RAB27B: variants seen among roughly 807,000 people sequenced by gnomAD.
The protein encoded by RAB27B is ras-related protein Rab-27B.
RAB27B carries 15 observed loss-of-function variants against 24.6 expected under a neutral mutation model. The ratio of observed to expected loss-of-function variants is 0.61; its 90% CI spans 0.41 to 0.94. RAB27B has a LOEUF of 0.94. Among genes scored for constraint, RAB27B ranks in the 40% least tolerant of loss-of-function variants. The pLI is 0.00. For synonymous variants in RAB27B, 105 were observed against 92.5 expected, an observed-to-expected ratio of 1.14 and a Z score of -0.78; for missense variants, 261 against 266.8, an observed-to-expected ratio of 0.98 and a Z score of 0.15.
chr18:54,777,094 AC>A (rs1908741532), intron 2 of RAB27B, among the ~76,000 whole-genome samples: 2 of 152,180 alleles, frequency 1.3e-5, no homozygotes, highest in Non-Finnish European at 2.9e-5. Flanking sequence ...CATAGATCAC[AC>A]ATAAAAATAT....
rs570143108 is a variant in RAB27B at position 54,791,302 on chromosome 18, G to T, written c.-20+73161G>T. Among the ~76,000 whole-genome samples, 19 of 152,268 alleles carry T rather than the reference G, an allele frequency of 1.2e-4. 1 individual carries two copies. In the South Asian group the frequency reaches 3.9e-3, roughly 32 times the overall value. ...AAGTGTATCAGACTTGATTGGGTGC[G>T]GTGGCTTATGCCTGTAATCTTAGCA... is the stretch of plus-strand genomic sequence containing the variant. On this transcript the variant is annotated intron_variant, in intron 2 of 4. Coordinates refer to the RAB27B transcript ENST00000586570.
intron 2 of RAB27B, among the ~76,000 whole-genome samples, chr18:54,774,890 C>T (rs1212004801): frequency 1.3e-5 from 2 of 152,222 alleles, no homozygotes; most frequent in African/African-American, 4.8e-5. Context: ...TCAGAGGCTG[C>T]TTGTGTTTTG....
intron 1 of RAB27B, among the ~76,000 whole-genome samples, chr18:54,842,988 G>A (rs1911176584): frequency 6.6e-6 from 1 of 152,204 alleles, no homozygotes; most frequent in African/African-American, 2.4e-5. Flanking sequence ...AGTAGAGACG[G>A]TGTTTCACCG....
At chr18:54,823,699 A>G (rs1194397222), upstream of RAB27B, among the ~76,000 whole-genome samples, 1 of 152,166 alleles carries the variant, frequency 6.6e-6, no homozygotes, top group Admixed American at 6.5e-5. Flanking sequence ...ATCTATCTTC[A>G]TTCTGCATTT....
chr18:54,830,055 T>C (rs975874456), intron 1 of RAB27B, among the ~76,000 whole-genome samples: 1 of 152,230 alleles, frequency 6.6e-6, no homozygotes, highest in Non-Finnish European at 1.5e-5. Flanking sequence ...TGGATGAGCC[T>C]GTTCTCATAG....
chr18:54,741,504 CT>C (rs1025695507), intron 2 of RAB27B, among the ~76,000 whole-genome samples: 1 of 151,716 alleles, frequency 6.6e-6, no homozygotes, highest in Admixed American at 6.6e-5. Flanking sequence ...TTTTTTTCTT[CT>C]TTTTTTGAGA....
intron 1 of RAB27B, among the ~76,000 whole-genome samples, chr18:54,876,144 A>G (rs1308863280): frequency 6.6e-6 from 1 of 152,114 alleles, no homozygotes; most frequent in Non-Finnish European, 1.5e-5. Context: ...AGAGAGAGAT[A>G]GCAAAGGGGG....
Position 54,787,014 on chromosome 18 carries a change from T to C in RAB27B, c.-20+68873T>C, listed in dbSNP as rs375797840. ...TTTGCTTGCTTTCCTTAATTCATCA[T>C]GACCAAGGCAATTTAACAGTTCAAG... On this transcript the variant is annotated intron_variant, in intron 2 of 4. Transcript: ENST00000586570. 2.2e-4 allele frequency among the ~76,000 whole-genome samples: 34 copies of C among 152,260 alleles called. 1 individual carries two copies. The highest frequency in any genetic ancestry group is 8.2e-4 in the African/African-American group (34 of 41,472).
rs74618448 is a variant in RAB27B at position 54,796,184 on chromosome 18, G to T, written c.-20+78043G>T. On this transcript the variant is annotated intron_variant, in intron 2 of 4. Transcript: ENST00000586570. ...ACCCCTGGAGGAAGCATGCAGAAGG[G>T]CAGGTACAGAAGCCATGGGGAGTGC... Among the ~76,000 whole-genome samples, 622 of 152,266 alleles carry T rather than the reference G, an allele frequency of 4.1e-3. 3 individuals carry two copies. Among genetic ancestry groups the T allele is most frequent in the African/African-American group, 0.014 (590 of 41,556 alleles).
chr18:54,837,800 G>A, intron 1 of RAB27B, among the ~76,000 whole-genome samples: 2 of 152,230 alleles, frequency 1.3e-5, no homozygotes, highest in East Asian at 3.9e-4. Flanking sequence ...GTATATATAT[G>A]TATTTATTAT....
rs1286424234 is a variant in RAB27B at position 54,893,869 on chromosome 18, T to C, written c.*4456T>C. The C allele has an allele frequency of 6.6e-6, 1 of 151,972 alleles. No individual in the cohort carries two copies. Among genetic ancestry groups the C allele is most frequent in the Non-Finnish European group, 1.5e-5 (1 of 67,918 alleles). 9.4% of individuals were successfully genotyped at this position (151,972 alleles called of 1,614,324 possible). On this transcript the variant is annotated 3_prime_UTR_variant, in exon 6 of 6. Transcript: ENST00000262094. Reference sequence around the variant, plus strand: ...GAGAAGGTCATACTTCAAAGGTCGATTTTGAGTCCGAATAAAGAAAGACCT... The same window carrying C: ...GAGAAGGTCATACTTCAAAGGTCGACTTTGAGTCCGAATAAAGAAAGACCT...
chr18:54,881,810 C>G (rs1276089917), intron 3 of RAB27B, among the ~76,000 whole-genome samples: 2 of 152,146 alleles, frequency 1.3e-5, no homozygotes, highest in Non-Finnish European at 2.9e-5. Context: ...ATCCATCCTG[C>G]TGGGGAGGAG....
intron 1 of RAB27B, among the ~76,000 whole-genome samples, chr18:54,865,103 T>C (rs1912159290): frequency 1.3e-5 from 2 of 152,178 alleles, no homozygotes; most frequent in Non-Finnish European, 2.9e-5. Context: ...ATGTGTTATA[T>C]ATGATTAAAT....
chr18:54,775,005 G>A (rs770913793), intron 2 of RAB27B, among the ~76,000 whole-genome samples: 3 of 152,168 alleles, frequency 2.0e-5, no homozygotes, highest in Non-Finnish European at 4.4e-5. Context: ...CACAAAAAAA[G>A]CCTGTGTGCT....
chr18:54,846,660 A>G (rs1374558259), intron 1 of RAB27B, among the ~76,000 whole-genome samples: 7 of 152,230 alleles, frequency 4.6e-5, no homozygotes, highest in Admixed American at 1.3e-4. Flanking sequence ...AGGCCAAAAA[A>G]GAAGGCAATG....
At chr18:54,825,368 C>T (rs1467145727), upstream of RAB27B, among the ~76,000 whole-genome samples, 2 of 152,114 alleles carry the variant, frequency 1.3e-5, no homozygotes, top group Non-Finnish European at 2.9e-5. Flanking sequence ...AGTTCATCAT[C>T]TTCATTTCTG....
At chr18:54,839,894 A>G (rs1911041313) in intron 1 of RAB27B, among the ~76,000 whole-genome samples, 1 of 152,212 alleles carries the variant, frequency 6.6e-6, no homozygotes, top group African/African-American at 2.4e-5. Context: ...CATTTACACT[A>G]TAGCATAATG....
intron 2 of RAB27B, among the ~76,000 whole-genome samples, chr18:54,783,211 C>T (rs1908971631): frequency 6.6e-6 from 1 of 152,142 alleles, no homozygotes; most frequent in African/African-American, 2.4e-5. Context: ...AAGTGATCCA[C>T]ACACCATGGC....
intron 2 of RAB27B, among the ~76,000 whole-genome samples, chr18:54,766,605 T>C (rs1206082529): frequency 6.6e-6 from 1 of 152,170 alleles, no homozygotes; most frequent in African/African-American, 2.4e-5. Context: ...TGCAGATTCT[T>C]AACATTTTAG....
Sources: gnomAD v4.1 joint callset for allele counts (sites outside exome capture counted in the v4.1 genomes callset) on GRCh38, gnomAD v4.1.1 for gene constraint, MANE v1.5 for transcripts, NCBI Gene and HGNC (gene_info 2026-07-23, HGNC 2026-07-21) for gene names.